Variants in CTNND2 observed in about 807,000 individuals in gnomAD.
The protein encoded by CTNND2 is catenin delta 2, also known as catenin delta-2.
A neutral mutation model predicts 144.4 loss-of-function variants in CTNND2; 22 were observed. That is an observed-to-expected ratio of 0.15 (90% CI 0.11 to 0.22). The LOEUF (loss-of-function observed/expected upper bound fraction) is 0.22, where lower values mean the gene tolerates loss of function less well. CTNND2 is among the 10% of genes least tolerant of loss of function. The pLI is 1.00. For missense variants in CTNND2, 1,353 were observed against 1,618.8 expected (o/e 0.84, Z 2.82); for synonymous variants, 751 against 695.6 (o/e 1.08, Z -1.25).
At chr5:11,240,316 AAC>A (rs549758337) in intron 9 of CTNND2, among the ~76,000 whole-genome samples, 2,302 of 101,864 alleles carry the variant, frequency 0.023, 102 homozygotes, top group African/African-American at 0.082. Flanking sequence ...ACATACACCC[AAC>A]ACACACACAC....
intron 11 of CTNND2, among the ~76,000 whole-genome samples, chr5:11,197,383 G>A (rs32267): frequency 4.6e-5 from 7 of 152,120 alleles, no homozygotes; most frequent in Non-Finnish European, 7.4e-5. Context: ...ACAGCATTTC[G>A]TCTAGGAGGA....
intron 2 of CTNND2, among the ~76,000 whole-genome samples, chr5:11,679,749 C>G (rs993162711): frequency 6.6e-6 from 1 of 152,152 alleles, no homozygotes; most frequent in African/African-American, 2.4e-5. Context: ...TGAATTCAAC[C>G]AAAGAGTACA....
intron 9 of CTNND2, among the ~76,000 whole-genome samples, chr5:11,302,913 C>T (rs1010882152): frequency 2.0e-5 from 3 of 152,190 alleles, no homozygotes; most frequent in Non-Finnish European, 2.9e-5. Flanking sequence ...CAAGAAACCT[C>T]GCGTCCTTCC....
rs768640310 is a variant in CTNND2 at position 11,082,733 on chromosome 5, C to T, written c.2751G>A (p.Arg917=). The change falls in exon 16 of 22, where the codon CGG becomes CGA. Residue 917 remains arginine, a synonymous_variant. Transcript: ENST00000304623. The part of the protein sequence containing the change: ...RVVCAVATAL[R]NMALDVRNKE... Reference sequence around the variant, plus strand: ...TATTTCTGACGTCCAAGGCCATGTTCCGCAGCGCAGTGGCCACCGCGCACA... The same window carrying T: ...TATTTCTGACGTCCAAGGCCATGTTTCGCAGCGCAGTGGCCACCGCGCACA... 1.9e-6 allele frequency: 3 copies of T among 1,614,158 alleles called. No individual in the cohort carries two copies. The highest frequency in any genetic ancestry group is 1.1e-5 in the South Asian group (1 of 91,084).
intron 16 of CTNND2, among the ~76,000 whole-genome samples, chr5:11,056,262 T>G (rs191941871): frequency 1.4e-3 from 217 of 152,336 alleles, no homozygotes; most frequent in Non-Finnish European, 9.1e-4. Flanking sequence ...TAGTGATGCC[T>G]TGAACATAGA....
intron 2 of CTNND2, among the ~76,000 whole-genome samples, chr5:11,623,824 A>G (rs866418699): frequency 6.0e-5 from 7 of 116,938 alleles, no homozygotes; most frequent in African/African-American, 2.7e-4. Context: ...ATATATATAT[A>G]TATATATATA....
chr5:11,634,839 C>A (rs967863783), intron 2 of CTNND2, among the ~76,000 whole-genome samples: 1 of 152,020 alleles, frequency 6.6e-6, no homozygotes, highest in Non-Finnish European at 1.5e-5. Context: ...CCTAAAGGTG[C>A]AGCTTGTGGT....
chr5:10,981,203 T>TAACA (rs1561114813), intron 21 of CTNND2, among the ~76,000 whole-genome samples: 1 of 152,218 alleles, frequency 6.6e-6, no homozygotes, highest in Non-Finnish European at 1.5e-5. Context: ...CCTGTGTTTC[T>TAACA]AACAAGATTC....
intron 2 of CTNND2, among the ~76,000 whole-genome samples, chr5:11,707,675 C>T (rs762084939): frequency 1.1e-4 from 17 of 152,104 alleles, no homozygotes; most frequent in South Asian, 4.1e-4. Context: ...TAGAGTAAAC[C>T]AAAATATAAG....
chr5:11,558,863 G>A (rs1417311446), intron 3 of CTNND2, among the ~76,000 whole-genome samples: 12 of 152,136 alleles, frequency 7.9e-5, no homozygotes, highest in Non-Finnish European at 1.2e-4. Flanking sequence ...TCTATATGAC[G>A]TGAGAATACT....
At chr5:11,414,350 C>A (rs1761763803) in intron 3 of CTNND2, among the ~76,000 whole-genome samples, 1 of 152,124 alleles carries the variant, frequency 6.6e-6, no homozygotes, top group Admixed American at 6.6e-5. Context: ...GAAACAGATA[C>A]AACAAAAAAG....
At chr5:11,066,972 C>T (rs1747688113) in intron 16 of CTNND2, among the ~76,000 whole-genome samples, 1 of 152,176 alleles carries the variant, frequency 6.6e-6, no homozygotes. Flanking sequence ...ATTAGCTCCT[C>T]CCAGTGCCTG....
Position 11,332,947 on chromosome 5 carries a change from C to T in CTNND2, c.1628+13425G>A, listed in dbSNP as rs148097409. ...GCCGCCACGTAGGACATGCCTTTCACGTTCTGTCACGATTGTGAGGCCTCC... is the reference window on the plus strand; with the variant it reads ...GCCGCCACGTAGGACATGCCTTTCATGTTCTGTCACGATTGTGAGGCCTCC... On this transcript the variant is annotated intron_variant, in intron 9 of 21. Transcript: ENST00000304623. 3.3e-4 allele frequency among the ~76,000 whole-genome samples: 51 copies of T among 152,332 alleles called. No homozygotes were observed. In the East Asian group the frequency reaches 7.5e-3, roughly 22 times the overall value.
At chr5:11,306,907 G>C (rs1158344915) in intron 9 of CTNND2, among the ~76,000 whole-genome samples, 1 of 152,148 alleles carries the variant, frequency 6.6e-6, no homozygotes, top group African/African-American at 2.4e-5. Context: ...ACCTCTGCTC[G>C]CACTGTGCTT....
chr5:11,209,129 C>G (rs1305392007), intron 10 of CTNND2, among the ~76,000 whole-genome samples: 1 of 152,004 alleles, frequency 6.6e-6, no homozygotes, highest in Non-Finnish European at 1.5e-5. Context: ...TATAAATTCC[C>G]CAAAATTTAT....
intron 1 of CTNND2, among the ~76,000 whole-genome samples, chr5:11,856,747 G>A (rs1795270075): frequency 6.6e-6 from 1 of 152,062 alleles, no homozygotes; most frequent in Non-Finnish European, 1.5e-5. Flanking sequence ...TTCACTTACT[G>A]GTAACATGGC....
chr5:11,580,979 C>T (rs1778384589), intron 2 of CTNND2, among the ~76,000 whole-genome samples: 1 of 152,146 alleles, frequency 6.6e-6, no homozygotes, highest in Non-Finnish European at 1.5e-5. Flanking sequence ...TGGCCTCTTC[C>T]ACAACTCAAA....
chr5:11,565,078 G>T (rs1314582623), intron 2 of CTNND2, 22 bp from the exon 3 acceptor site: 1 of 1,542,114 alleles, frequency 6.5e-7, no homozygotes, highest in Non-Finnish European at 9.0e-7. Flanking sequence ...CCATCAACAA[G>T]ATCAATTCAA....
At chr5:11,606,955 A>G (rs1780081320) in intron 2 of CTNND2, among the ~76,000 whole-genome samples, 1 of 152,210 alleles carries the variant, frequency 6.6e-6, no homozygotes, top group Non-Finnish European at 1.5e-5. Flanking sequence ...GACGTAATCA[A>G]GTTAAAATAA....
Sources: allele counts gnomAD v4.1 joint callset (sites outside exome capture counted in the v4.1 genomes callset), GRCh38; gene constraint gnomAD v4.1.1; transcripts MANE v1.5; gene names NCBI Gene and HGNC (gene_info 2026-07-23, HGNC 2026-07-21).